The following TNS2 variants were observed in gnomAD, a reference collection of about 807,000 sequenced individuals.
TNS2 encodes tensin 2.
Under a neutral mutation model 155.7 loss-of-function variants are expected in TNS2, and 77 were observed. That is an observed-to-expected ratio of 0.49 (90% CI 0.41 to 0.60). TNS2 has a LOEUF of 0.60. TNS2 is among the 20% of genes least tolerant of loss of function. The probability of loss-of-function intolerance (pLI) is 0.00; values close to 1 mark genes in which losing one functional copy is unlikely to be tolerated. For synonymous variants in TNS2, 726 were observed against 763.9 expected (o/e 0.95, Z 0.82); for missense variants, 1,703 against 1,868.8 (o/e 0.91, Z 1.64).
rs1944257285 is a variant in TNS2 at position 53,058,738 on chromosome 12, C to T, written c.1316C>T (p.Ser439Leu). ...IKGSTPRNDP[S>L]VSVDYNTTEP... ...GGCAGCACTCCACGGAACGACCCCTCGGTCTCTGTCGACTACAACACCACT... is the reference window on the plus strand; with the variant it reads ...GGCAGCACTCCACGGAACGACCCCTTGGTCTCTGTCGACTACAACACCACT... The change falls in exon 17 of 29, where the codon TCG (serine) becomes TTG (leucine). Residue 439 changes from serine (S) to leucine (L), a missense_variant. Transcript: ENST00000314250. 2 of 1,614,064 alleles carry T rather than the reference C, an allele frequency of 1.2e-6. No individual in the cohort carries two copies. Among genetic ancestry groups the T allele is most frequent in the Admixed American group, 1.7e-5 (1 of 60,020 alleles).
chr12:53,052,349 G>C lies in TNS2; in HGVS notation c.185-106G>C, dbSNP rs1248141499. 3 of 1,438,668 alleles carry C rather than the reference G, an allele frequency of 2.1e-6. No homozygotes were observed. The Admixed American group carries it at 5.2e-5, about 25-fold the overall frequency. The allele number at this position is 1,438,668 out of a possible 1,614,324, so 89.1% of individuals were successfully genotyped here. A position where few individuals can be genotyped will look rare whatever the true frequency, so the allele number is the denominator to read the frequency against. On this transcript the variant is annotated intron_variant, in intron 2 of 28. Coordinates refer to ENST00000314250, the MANE Select transcript of TNS2 (RefSeq NM_170754.4). ...GCCAGCCCAGTCCAGGTGGGATCTTGGAAGTCCCAGGGTCTGGTTCCAGGG... is the reference window on the plus strand; with the variant it reads ...GCCAGCCCAGTCCAGGTGGGATCTTCGAAGTCCCAGGGTCTGGTTCCAGGG...
chr12:53,062,998 TGTGACAGCA>T (rs2121178111), intron 25 of TNS2, 82 bp from the exon 26 acceptor site: 1 of 1,445,696 alleles, frequency 6.9e-7, no homozygotes. Flanking sequence ...TTGTAAAGCA[TGTGACAGCA>T]GTAGCTGGGG....
upstream of TNS2, chr12:53,049,865 G>C (rs896011986): frequency 2.4e-6 from 1 of 423,890 alleles, no homozygotes; most frequent in Admixed American, 3.8e-5. Flanking sequence ...TGGTGTCCCA[G>C]GTGTGGGACA....
chr12:53,052,334 T>G, intron 2 of TNS2, 121 bp from the exon 3 acceptor site: 1 of 1,292,170 alleles, frequency 7.7e-7, no homozygotes, highest in Non-Finnish European at 1.1e-6. Flanking sequence ...GCCAGCCCAG[T>G]CCAGGTGGGA....
Position 53,059,154 on chromosome 12 carries a change from C to G in TNS2, c.1513C>G (p.Pro505Ala), listed in dbSNP as rs755492418. Reference protein sequence around the residue: ...PAPSPEPPPPPMLSVSSDSGH... With the variant: ...PAPSPEPPPPAMLSVSSDSGH... ...ACCCTCTCCAGAGCCTCCACCACCC[C>G]CCATGCTCTCTGTCAGCAGCGACTC... Residue 505 changes from proline (P) to alanine (A), a missense_variant, in exon 18 of 29, where the codon CCC becomes GCC. Transcript: ENST00000314250. This position sits in a 1 kb window ranked among gnomAD's most constrained non-coding sequence, Gnocchi z 4.7. The G allele has an allele frequency of 1.0e-5, 16 of 1,599,740 alleles. No individual in the cohort carries two copies. Among genetic ancestry groups the G allele is most frequent in the Admixed American group, 6.7e-5 (4 of 59,278 alleles).
intron 2 of TNS2, 161 bp from the exon 3 acceptor site, chr12:53,052,294 C>T: frequency 1.1e-6 from 1 of 888,528 alleles, no homozygotes; most frequent in Non-Finnish European, 1.8e-6. Context: ...ACACTCTTCC[C>T]TCAAAACCTA....
At chr12:53,057,722 A>C (rs1370710056) in intron 12 of TNS2, 43 bp downstream of exon 12, 1 of 1,613,590 alleles carries the variant, frequency 6.2e-7, no homozygotes, top group African/African-American at 1.3e-5. Context: ...AACCACCTTC[A>C]GGCCCTCTCC....
At chr12:53,055,348 C>G in intron 8 of TNS2, 112 bp downstream of exon 8, 1 of 1,269,804 alleles carries the variant, frequency 7.9e-7, no homozygotes, top group Non-Finnish European at 1.1e-6. Flanking sequence ...CTCTTAAGCA[C>G]TTTCCCACTC....
chr12:53,058,644 G>A lies in TNS2; in HGVS notation c.1291+7G>A. 1 of 1,614,060 alleles carries A rather than the reference G, an allele frequency of 6.2e-7. No homozygotes were observed. The highest frequency in any genetic ancestry group is 8.5e-7 in the Non-Finnish European group (1 of 1,179,984). ...AGCCCCGAGAAGATCAAAGGTAAGA[G>A]CAGGGACATGGGCTGGGGACTGAGG... On this transcript the variant is annotated splice_region_variant and intron_variant, in intron 16 of 28. Coordinates refer to ENST00000314250, the MANE Select transcript of TNS2 (RefSeq NM_170754.4).
Position 53,053,797 on chromosome 12 carries a change from G to A in TNS2, c.285G>A (p.Arg95=). ...VELRRNTAPV[R]RIEHLGSTKS... ...AGCGGCGAAACACGGCCCCAGTCAG[G>A]CGCATAGAGCACCTGGTAAGGTGAT... is the stretch of plus-strand genomic sequence containing the variant. Residue 95 remains arginine (R), a synonymous_variant, in exon 5 of 29, where the codon AGG becomes AGA. Transcript: ENST00000314250. 2 of 1,612,388 alleles carry A rather than the reference G, an allele frequency of 1.2e-6. No homozygotes were observed. The highest frequency in any genetic ancestry group is 1.7e-6 in the Non-Finnish European group (2 of 1,179,408).
chr12:53,063,835 G>A lies in TNS2; in HGVS notation c.4183G>A (p.Ala1395Thr), dbSNP rs771979011. 18 of 1,614,078 alleles carry A rather than the reference G, an allele frequency of 1.1e-5. No individual in the cohort carries two copies. In the Middle Eastern group the frequency reaches 4.9e-4, roughly 44 times the overall value. The change falls in exon 29 of 29, where the codon GCC becomes ACC. Residue 1395 changes from alanine to threonine, a missense_variant. By Grantham distance (58) the Ala-to-Thr change is moderately conservative (BLOSUM62 0). Transcript: ENST00000314250. The surrounding 1 kb of genome is among the most constrained non-coding windows in gnomAD (Gnocchi z 5.6). ...AELDPDQPAG[A>T]IVTFITKVLL... ...GCTTGACCCAGATCAGCCTGCTGGCGCCATTGTCACCTTCATCACCAAAGT... is the reference window on the plus strand; with the variant it reads ...GCTTGACCCAGATCAGCCTGCTGGCACCATTGTCACCTTCATCACCAAAGT...
chr12:53,059,797 G>A lies in TNS2; in HGVS notation c.2156G>A (p.Ser719Asn), dbSNP rs1944313906. 2 of 1,612,540 alleles carry A rather than the reference G, an allele frequency of 1.2e-6. No homozygotes were observed. The highest frequency in any genetic ancestry group is 4.5e-5 in the East Asian group (2 of 44,860). ...AGGGAGGCTGGAGAAGGGTGGGCAA[G>A]TGAGGCTGGCAAGCCTCTCCTGCAC... ...LEREAGEGWA[S>N]EAGKPLLHPV... The change falls in exon 18 of 29, where the codon AGT becomes AAT. Residue 719 changes from serine to asparagine, a missense_variant. By Grantham distance (46) the Ser-to-Asn change is conservative. Coordinates refer to ENST00000314250, the MANE Select transcript of TNS2 (RefSeq NM_170754.4). This position sits in a 1 kb window ranked among gnomAD's most constrained non-coding sequence, Gnocchi z 4.7.
chr12:53,049,132 G>A (rs1943829650), upstream of TNS2: 10 of 1,545,760 alleles, frequency 6.5e-6, no homozygotes, highest in Non-Finnish European at 8.7e-6. Flanking sequence ...CCAGGAGGGA[G>A]GCCGGAGGCC....
chr12:53,050,347 T>A lies in TNS2; in HGVS notation c.75+87T>A. 7.1e-7 allele frequency: 1 copy of A among 1,416,624 alleles called. No individual in the cohort carries two copies. Among genetic ancestry groups the A allele is most frequent in the Non-Finnish European group, 9.5e-7 (1 of 1,056,470 alleles). The allele number at this position is 1,416,624 out of a possible 1,614,324, so 87.8% of individuals were successfully genotyped here. A position where few individuals can be genotyped will look rare whatever the true frequency, so the allele number is the denominator to read the frequency against. On this transcript the variant is annotated intron_variant, in intron 1 of 28. Transcript: ENST00000314250. This position sits in a 1 kb window ranked among gnomAD's most constrained non-coding sequence, Gnocchi z 4.7. ...GGGGACCAGGAATCAGGCCAGGCCT[T>A]CTTCCCAATTTCAGCTTCCTCAGCC...
chr12:53,060,377 C>T lies in TNS2; in HGVS notation c.2618-28C>T, dbSNP rs763314807. 7 of 1,604,640 alleles carry T rather than the reference C, an allele frequency of 4.4e-6. No individual in the cohort carries two copies. The highest frequency in any genetic ancestry group is 6.0e-6 in the Non-Finnish European group (7 of 1,174,138). ...CCAGACAGAAGAGCCCCATCCTGCTCACAGCCCACCTCTCCCCTTCACTGC... is the reference window on the plus strand; with the variant it reads ...CCAGACAGAAGAGCCCCATCCTGCTTACAGCCCACCTCTCCCCTTCACTGC... On this transcript the variant is annotated intron_variant, in intron 18 of 28. Coordinates refer to ENST00000314250, the MANE Select transcript of TNS2 (RefSeq NM_170754.4). The surrounding 1 kb of genome is among the most constrained non-coding windows in gnomAD (Gnocchi z 6.1).
At chr12:53,049,364 G>C (rs1037348073), upstream of TNS2, 2 of 864,778 alleles carry the variant, frequency 2.3e-6, no homozygotes, top group Admixed American at 5.9e-5. Flanking sequence ...CTGAAACAAA[G>C]CCAGGGAATG....
At position 53,058,772 on chromosome 12, in the gene TNS2, C is replaced by G. The variant is rs532106411; in HGVS notation, c.1350C>G (p.Ala450=). 6.2e-7 allele frequency: 1 copy of G among 1,613,834 alleles called. No individual in the cohort carries two copies. Among genetic ancestry groups the G allele is most frequent in the African/African-American group, 1.3e-5 (1 of 74,888 alleles). Residue 450 remains alanine, a synonymous_variant, in exon 17 of 29, where the codon GCC becomes GCG. Transcript: ENST00000314250. ...TCGACTACAACACCACTGAGCCAGC[C>G]GTGCGCTGGGACTCCTATGAGAACT... ...VSVDYNTTEP[A]VRWDSYENFN...
chr12:53,062,274 C>T (rs749534631), intron 23 of TNS2, 29 bp downstream of exon 23: 15 of 1,613,102 alleles, frequency 9.3e-6, no homozygotes, highest in South Asian at 4.4e-5. Flanking sequence ...GGGAAGGCTA[C>T]GTTGGGTCGG....
Position 53,058,696 on chromosome 12 carries a change from C to A in TNS2, c.1292-18C>A. ...CCGCCTCTCCCCTGCTCCCCAATACCCGAGTGGCCTTCCACAGGCAGCACT... is the reference window on the plus strand; with the variant it reads ...CCGCCTCTCCCCTGCTCCCCAATACACGAGTGGCCTTCCACAGGCAGCACT... On this transcript the variant is annotated intron_variant, in intron 16 of 28. Coordinates refer to ENST00000314250, the MANE Select transcript of TNS2 (RefSeq NM_170754.4). 1.2e-6 allele frequency: 2 copies of A among 1,613,988 alleles called. No homozygotes were observed. Among genetic ancestry groups the A allele is most frequent in the African/African-American group, 1.3e-5 (1 of 75,008 alleles).
Sources: gnomAD v4.1 joint callset for allele counts on GRCh38, gnomAD v4.1.1 for gene constraint, Gnocchi (gnomAD v3.1) non-coding constraint, MANE v1.5 for transcripts, NCBI Gene and HGNC (gene_info 2026-07-23, HGNC 2026-07-21) for gene names.